The following CTNNA3 variants were observed in gnomAD, a reference collection of about 807,000 sequenced individuals.
CTNNA3 encodes catenin alpha 3, also known as catenin alpha-3.
Under a neutral mutation model 95.7 loss-of-function variants are expected in CTNNA3, and 76 were observed. The ratio of observed to expected loss-of-function variants is 0.79; its 90% CI spans 0.66 to 0.96. The LOEUF (loss-of-function observed/expected upper bound fraction) is 0.96, where lower values mean the gene tolerates loss of function less well. Ranked by LOEUF, CTNNA3 falls within the 40% of genes least tolerant of loss-of-function variation. The pLI is 0.00. For synonymous variants in CTNNA3, 431 were observed against 374.4 expected (o/e 1.15, Z -1.74); for missense variants, 1,191 against 1,089.8 (o/e 1.09, Z -1.31).
At chr10:66,610,199 G>C (rs1461649421) in intron 10 of CTNNA3, among the ~76,000 whole-genome samples, 2 of 152,058 alleles carry the variant, frequency 1.3e-5, no homozygotes, top group Non-Finnish European at 2.9e-5. Context: ...TAGACTTCAT[G>C]TGTATCTTTT....
intron 15 of CTNNA3, among the ~76,000 whole-genome samples, chr10:66,022,133 C>T (rs1269411951): frequency 1.3e-5 from 2 of 152,068 alleles, no homozygotes; most frequent in African/African-American, 4.8e-5. Context: ...GCTGAGATTA[C>T]AGGCTTGAGC....
At chr10:67,517,495 C>T (rs1399871755) in intron 5 of CTNNA3, among the ~76,000 whole-genome samples, 4 of 151,970 alleles carry the variant, frequency 2.6e-5, no homozygotes, top group Non-Finnish European at 4.4e-5. Flanking sequence ...AAAGGGGTCA[C>T]ACACCCAGTT....
chr10:66,168,697 A>G (rs568002621), intron 13 of CTNNA3, among the ~76,000 whole-genome samples: 39 of 152,262 alleles, frequency 2.6e-4, no homozygotes, highest in African/African-American at 9.1e-4. Flanking sequence ...TATAGTACTT[A>G]CTAGTAACTG....
chr10:66,909,113 G>A (rs761114581), intron 7 of CTNNA3, among the ~76,000 whole-genome samples: 9 of 152,066 alleles, frequency 5.9e-5, no homozygotes, highest in Admixed American at 1.3e-4. Context: ...AGCCACTTGC[G>A]ATAATACTAG....
chr10:66,243,004 T>C (rs10822775), intron 13 of CTNNA3, among the ~76,000 whole-genome samples: 32,554 of 152,044 alleles, frequency 0.21, 3,677 homozygotes, highest in South Asian at 0.29. Flanking sequence ...CAGCCAATGA[T>C]GTTCTAAAGT....
intron 5 of CTNNA3, among the ~76,000 whole-genome samples, chr10:67,365,237 C>G (rs1186992319): frequency 1.3e-5 from 2 of 151,882 alleles, no homozygotes; most frequent in Non-Finnish European, 2.9e-5. Context: ...AGATGGAGCA[C>G]AGACTTAAAT....
intron 2 of CTNNA3, among the ~76,000 whole-genome samples, chr10:67,642,927 CCTAGATG>C (rs1839585874): frequency 6.7e-6 from 1 of 150,346 alleles, no homozygotes; most frequent in African/African-American, 2.5e-5. Context: ...TTCTCAAAGA[CCTAGATG>C]CAGAAATACC....
chr10:66,171,324 C>G (rs1052365834), intron 13 of CTNNA3, among the ~76,000 whole-genome samples: 4 of 151,496 alleles, frequency 2.6e-5, no homozygotes, highest in Non-Finnish European at 5.9e-5. Context: ...CCTGTAATCC[C>G]AGCACTTTGG....
At chr10:66,534,488 ATATATATATATATG>A (rs1273550804) in intron 10 of CTNNA3, among the ~76,000 whole-genome samples, 1 of 13,898 alleles carries the variant, frequency 7.2e-5, no homozygotes, top group Non-Finnish European at 3.7e-4. Flanking sequence ...ATATATATAT[ATATATATATATATG>A]TATATATATG....
intron 2 of CTNNA3, among the ~76,000 whole-genome samples, chr10:67,618,423 A>G (rs1354346740): frequency 2.0e-5 from 3 of 152,188 alleles, no homozygotes; most frequent in African/African-American, 7.2e-5. Flanking sequence ...TCAACCATAA[A>G]TTGAATAAAC....
At chr10:67,136,870 A>G (rs1860329614) in intron 7 of CTNNA3, among the ~76,000 whole-genome samples, 1 of 152,326 alleles carries the variant, frequency 6.6e-6, no homozygotes, top group East Asian at 1.9e-4. Flanking sequence ...CCAAAATTAC[A>G]GGGACAACAT....
intron 9 of CTNNA3, among the ~76,000 whole-genome samples, chr10:66,755,534 C>T (rs948735065): frequency 6.6e-6 from 1 of 151,996 alleles, no homozygotes; most frequent in Non-Finnish European, 1.5e-5. Flanking sequence ...ATATTACATA[C>T]ATATTAAAAA....
At chr10:66,606,970 G>A (rs553366057) in intron 10 of CTNNA3, among the ~76,000 whole-genome samples, 15 of 152,034 alleles carry the variant, frequency 9.9e-5, no homozygotes, top group Middle Eastern at 3.4e-3. Context: ...AAAAGCATTC[G>A]AAAGATCAAC....
At chr10:66,514,669 CT>C (rs1285572521) in intron 11 of CTNNA3, among the ~76,000 whole-genome samples, 1 of 151,986 alleles carries the variant, frequency 6.6e-6, no homozygotes, top group Admixed American at 6.6e-5. Context: ...TTTCCAGTAC[CT>C]TTCATGGGAT....
intron 6 of CTNNA3, among the ~76,000 whole-genome samples, chr10:67,190,952 C>T (rs893980537): frequency 4.6e-5 from 7 of 151,938 alleles, no homozygotes; most frequent in African/African-American, 1.7e-4. Context: ...AGATAATTCA[C>T]TTAAACATAT....
At chr10:67,562,573 T>G (rs1193283465) in intron 3 of CTNNA3, among the ~76,000 whole-genome samples, 10 of 152,138 alleles carry the variant, frequency 6.6e-5, no homozygotes, top group Non-Finnish European at 2.9e-5. Context: ...CTTTGAAAAC[T>G]GGCACAAGAC....
intron 13 of CTNNA3, among the ~76,000 whole-genome samples, chr10:66,262,486 CTTTTATTTGGGG>C (rs555713916): frequency 6.6e-6 from 1 of 151,990 alleles, no homozygotes; most frequent in Admixed American, 6.6e-5. Context: ...TCCACACTAA[CTTTTATTTGGGG>C]TTTTAACTAA....
chr10:65,970,605 A>G (rs114199811), intron 16 of CTNNA3, among the ~76,000 whole-genome samples: 3,737 of 151,186 alleles, frequency 0.025, 133 homozygotes, highest in African/African-American at 0.082. Context: ...TTAAACTACA[A>G]CAAAAAAGAG....
intron 11 of CTNNA3, among the ~76,000 whole-genome samples, chr10:66,471,492 T>C (rs2131875531): frequency 6.6e-6 from 1 of 152,006 alleles, no homozygotes; most frequent in Admixed American, 6.6e-5. Flanking sequence ...AAGCTAATTT[T>C]CCATTAATTT....
Sources: allele counts gnomAD v4.1 joint callset (sites outside exome capture counted in the v4.1 genomes callset), GRCh38; gene constraint gnomAD v4.1.1; transcripts MANE v1.5; gene names NCBI Gene and HGNC (gene_info 2026-07-23, HGNC 2026-07-21).